PTPN21: variants seen among roughly 807,000 people sequenced by gnomAD.
The protein encoded by PTPN21 is protein tyrosine phosphatase non-receptor type 21, also known as tyrosine-protein phosphatase non-receptor type 21.
In PTPN21, 77 loss-of-function variants were observed where a neutral mutation model predicts 131.8. The observed-to-expected ratio is 0.58, with a 90% CI of 0.49 to 0.71. The LOEUF is 0.71. Among genes scored for constraint, PTPN21 ranks in the 30% least tolerant of loss-of-function variants. The pLI, the probability that PTPN21 is intolerant of heterozygous loss-of-function variation, is 0.00. For synonymous variants in PTPN21, 715 were observed against 621.3 expected (o/e 1.15, Z -2.24); for missense variants, 1,552 against 1,527.1 (o/e 1.02, Z -0.27).
Position 88,469,018 on chromosome 14 carries a change from T to C in PTPN21, c.3294A>G (p.Gln1098=). ...GGACCAACAACGGAGGGTTGGGGCTTTGGGGATCACTTGTGCTATTTGTAT... is the reference window on the plus strand; with the variant it reads ...GGACCAACAACGGAGGGTTGGGGCTCTGGGGATCACTTGTGCTATTTGTAT... ...RRHTNSTSDP[Q]SPNPPLLVHC... The change falls in exon 18 of 19, where the codon CAA becomes CAG. Residue 1098 remains glutamine, a synonymous_variant. Transcript: ENST00000556564. This position sits in a 1 kb window ranked among gnomAD's most constrained non-coding sequence, Gnocchi z 4.3. 6.2e-7 allele frequency: 1 copy of C among 1,614,164 alleles called. No individual in the cohort carries two copies. The highest frequency in any genetic ancestry group is 1.3e-5 in the African/African-American group (1 of 75,058).
intron 10 of PTPN21, among the ~76,000 whole-genome samples, chr14:88,495,755 G>A (rs1459610200): frequency 6.6e-6 from 1 of 152,208 alleles, no homozygotes; most frequent in Non-Finnish European, 1.5e-5. Context: ...CCAGAAGGAT[G>A]GAAGGAGCTG....
intron 8 of PTPN21, 133 bp downstream of exon 8, chr14:88,500,650 A>G: frequency 1.6e-6 from 1 of 644,884 alleles, no homozygotes; most frequent in African/African-American, 1.8e-5. Flanking sequence ...TTTTTTTCCT[A>G]GGAAGGGAAT....
At chr14:88,477,930 T>A (rs1160940780) in intron 13 of PTPN21, among the ~76,000 whole-genome samples, 2 of 152,180 alleles carry the variant, frequency 1.3e-5, no homozygotes, top group Non-Finnish European at 2.9e-5. Flanking sequence ...CAATTATGAC[T>A]TAATAGAACA....
At chr14:88,538,597 T>A (rs1401236576) in intron 2 of PTPN21, among the ~76,000 whole-genome samples, 1 of 152,180 alleles carries the variant, frequency 6.6e-6, no homozygotes, top group Admixed American at 6.5e-5. Flanking sequence ...AATTAAATGA[T>A]AACAAATATC....
chr14:88,523,833 T>C (rs79626978), intron 2 of PTPN21, among the ~76,000 whole-genome samples: 2 of 152,028 alleles, frequency 1.3e-5, no homozygotes, highest in African/African-American at 2.4e-5. Flanking sequence ...AGCTGCTATA[T>C]ACCAGCAATG....
intron 2 of PTPN21, among the ~76,000 whole-genome samples, chr14:88,541,119 A>G (rs572719490): frequency 1.3e-5 from 2 of 152,304 alleles, no homozygotes; most frequent in Non-Finnish European, 2.9e-5. Flanking sequence ...CCTTTTAATG[A>G]TCATATTTGG....
rs545180090 is a variant in PTPN21, at chr14:88,471,631, G to A, written c.2871+613C>T. Among the ~76,000 whole-genome samples, 24 of 152,186 alleles carry A rather than the reference G, an allele frequency of 1.6e-4. 1 individual carries two copies. The highest frequency in any genetic ancestry group is 1.2e-3 in the Admixed American group (19 of 15,286). ...AATGATACTTAAAAATTATTATAAA[G>A]AGTATGTAAAGAGAACAGATGGCAC... On this transcript the variant is annotated intron_variant, in intron 15 of 18. Transcript: ENST00000556564.
At chr14:88,486,282 C>T (rs960109994) in intron 10 of PTPN21, among the ~76,000 whole-genome samples, 1 of 152,144 alleles carries the variant, frequency 6.6e-6, no homozygotes, top group Admixed American at 6.5e-5. Flanking sequence ...ACCTTCCTCC[C>T]GGGGGACCAT....
rs565001944 is a variant in PTPN21, at chr14:88,506,333, G to A, written c.449-962C>T. On this transcript the variant is annotated intron_variant, in intron 4 of 18. Coordinates refer to ENST00000556564, the MANE Select transcript of PTPN21 (RefSeq NM_007039.4). ...CAAGCCTGGGCAACAGAGTAAGACTGTCTCCAAAAAAAGGAAAATACACAC... is the reference window on the plus strand; with the variant it reads ...CAAGCCTGGGCAACAGAGTAAGACTATCTCCAAAAAAAGGAAAATACACAC... Among the ~76,000 whole-genome samples, 192 of 151,922 alleles carry A rather than the reference G, an allele frequency of 1.3e-3. 1 individual carries two copies. Among genetic ancestry groups the A allele is most frequent in the Non-Finnish European group, 1.8e-3 (123 of 67,958 alleles).
rs200522187 is a variant in PTPN21 at position 88,473,738 on chromosome 14, C to A, written c.2576G>T (p.Gly859Val). ...CAGAGGCACTCGAGATAGGGAGAGT[C>A]CATTTAGGGCAGCCAGTTTAAGAGG... ...IGPLKLAALN[G>V]LSLSRVPLPD... The change falls in exon 14 of 19, where the codon GGA (glycine) becomes GTA (valine). Residue 859 changes from glycine (G) to valine (V), a missense_variant. Physicochemically the swap from Gly to Val is moderately radical, Grantham distance 109. Coordinates refer to ENST00000556564, the MANE Select transcript of PTPN21 (RefSeq NM_007039.4). 2 of 1,610,924 alleles carry A rather than the reference C, an allele frequency of 1.2e-6. No homozygotes were observed. The highest frequency in any genetic ancestry group is 1.1e-5 in the South Asian group (1 of 90,168).
chr14:88,486,681 T>TA (rs1481996958), intron 10 of PTPN21, among the ~76,000 whole-genome samples: 1 of 151,988 alleles, frequency 6.6e-6, no homozygotes, highest in Non-Finnish European at 1.5e-5. Flanking sequence ...ATATACTTTT[T>TA]AAAAAAACAC....
chr14:88,487,412 T>C (rs906052264), intron 10 of PTPN21, among the ~76,000 whole-genome samples: 24 of 152,184 alleles, frequency 1.6e-4, no homozygotes, highest in African/African-American at 5.8e-4. Flanking sequence ...ATTCAATCCA[T>C]TTAAGCAAAT....
At chr14:88,542,088 T>TA (rs2078715423) in intron 2 of PTPN21, among the ~76,000 whole-genome samples, 1 of 152,236 alleles carries the variant, frequency 6.6e-6, no homozygotes, top group Admixed American at 6.5e-5. Flanking sequence ...AAGTCTGATA[T>TA]AAAATCTCAA....
intron 3 of PTPN21, 111 bp downstream of exon 3, chr14:88,516,981 T>C (rs1184071057): frequency 2.4e-6 from 3 of 1,232,764 alleles, no homozygotes; most frequent in South Asian, 3.1e-5. Context: ...TGGCTAAAAA[T>C]GTGGGGCGAG....
Position 88,524,911 on chromosome 14 carries a change from A to G in PTPN21, c.181-7650T>C, listed in dbSNP as rs74991324. Among the ~76,000 whole-genome samples the G allele has an allele frequency of 6.6e-5, 10 of 151,822 alleles. No homozygotes were observed. The East Asian group carries it at 1.7e-3, about 27-fold the overall frequency. On this transcript the variant is annotated intron_variant, in intron 2 of 18. Coordinates refer to ENST00000556564, the MANE Select transcript of PTPN21 (RefSeq NM_007039.4). Reference sequence around the variant, plus strand: ...CAGAGCAAGACCCTCTTAAAAACACACATACACACGCACAAAATTTAGAAC... The same window carrying G: ...CAGAGCAAGACCCTCTTAAAAACACGCATACACACGCACAAAATTTAGAAC...
Position 88,550,266 on chromosome 14 carries a change from G to A in PTPN21, c.152C>T (p.Ala51Val), listed in dbSNP as rs772782467. 3 of 1,613,966 alleles carry A rather than the reference G, an allele frequency of 1.9e-6. No individual in the cohort carries two copies. The highest frequency in any genetic ancestry group is 2.5e-6 in the Non-Finnish European group (3 of 1,180,020). Residue 51 changes from alanine (A) to valine (V), a missense_variant, in exon 2 of 19, where the codon GCC becomes GTC. By Grantham distance (64) the Ala-to-Val change is moderately conservative. This residue lies in a region of PTPN21 where 206 missense variants were observed against 221.6 expected (regional missense o/e 0.93). Coordinates refer to ENST00000556564, the MANE Select transcript of PTPN21 (RefSeq NM_007039.4). Reference sequence around the variant, plus strand: ...CCGCAGCTCCAGCCTCTGGGCCACGGCCTCGAGGCTTTCCTGGCCAGTGCT... The same window carrying A: ...CCGCAGCTCCAGCCTCTGGGCCACGACCTCGAGGCTTTCCTGGCCAGTGCT... ...VESTGQESLE[A>V]VAQRLELREV...
rs2077599984 is a variant in PTPN21, at chr14:88,479,333, ACTT to A, written c.2095_2097del (p.Lys699del). 6.2e-7 allele frequency: 1 copy of A among 1,612,138 alleles called. No homozygotes were observed. Among genetic ancestry groups the A allele is most frequent in the African/African-American group, 1.3e-5 (1 of 74,372 alleles). ...ATTAGCATGGTGGCGTCCGACAGGGACTTCTTATGGCCGTACCTCAAGCCCTCC... is the reference window on the plus strand; with the variant it reads ...ATTAGCATGGTGGCGTCCGACAGGGACTTATGGCCGTACCTCAAGCCCTCC... On this transcript the variant is annotated inframe_deletion, in exon 13 of 19. Coordinates refer to ENST00000556564, the MANE Select transcript of PTPN21 (RefSeq NM_007039.4).
intron 2 of PTPN21, among the ~76,000 whole-genome samples, chr14:88,522,367 A>C (rs1297708221): frequency 6.8e-6 from 1 of 146,124 alleles, no homozygotes; most frequent in East Asian, 2.1e-4. Context: ...GGTGGAAGTG[A>C]GCTGAGAGCA....
Position 88,550,480 on chromosome 14 carries a change from T to G in PTPN21, c.-63A>C. On this transcript the variant is annotated 5_prime_UTR_variant, in exon 2 of 19. Transcript: ENST00000556564. ...AAAGCTACCCCCACCAACCCAGCGCTGGTGACGCCAGGAGAAAGCGATCCT... is the reference window on the plus strand; with the variant it reads ...AAAGCTACCCCCACCAACCCAGCGCGGGTGACGCCAGGAGAAAGCGATCCT... 1.3e-6 allele frequency: 2 copies of G among 1,485,874 alleles called. No individual in the cohort carries two copies. The highest frequency in any genetic ancestry group is 1.8e-6 in the Non-Finnish European group (2 of 1,083,244). The allele number at this position is 1,485,874 out of a possible 1,614,324, so 92.0% of individuals were successfully genotyped here.
Sources: gnomAD v4.1 joint callset for allele counts (sites outside exome capture counted in the v4.1 genomes callset) on GRCh38, gnomAD v4.1.1 for gene constraint, gnomAD v4.1.1 regional missense constraint, Gnocchi (gnomAD v3.1) non-coding constraint, MANE v1.5 for transcripts, NCBI Gene and HGNC (gene_info 2026-07-23, HGNC 2026-07-21) for gene names.